The following ANK3 variants were observed in gnomAD, a reference collection of about 807,000 sequenced individuals.
ANK3 encodes the protein ankyrin-3.
Under a neutral mutation model 370.9 loss-of-function variants are expected in ANK3, and 57 were observed. The observed-to-expected ratio is 0.15, with a 90% CI of 0.12 to 0.19. The LOEUF (loss-of-function observed/expected upper bound fraction) is 0.19, where lower values mean the gene tolerates loss of function less well. ANK3 is among the 10% of genes least tolerant of loss of function. ANK3 has a pLI of 1.00. For missense variants in ANK3, 4,439 were observed against 5,302.1 expected (o/e 0.84, Z 5.06); for synonymous variants, 1,929 against 1,946.3 (o/e 0.99, Z 0.23).
At chr10:60,612,823 T>C (rs1425041257) in intron 2 of ANK3, among the ~76,000 whole-genome samples, 1 of 152,222 alleles carries the variant, frequency 6.6e-6, no homozygotes, top group Non-Finnish European at 1.5e-5. Context: ...CAGCCTGGTA[T>C]TCCCAGTAGT....
chr10:60,387,411 T>C (rs2062538526), intron 1 of ANK3, among the ~76,000 whole-genome samples: 1 of 151,940 alleles, frequency 6.6e-6, no homozygotes, highest in African/African-American at 2.4e-5. Context: ...ATCTAGAGTG[T>C]TTTCAAAATA....
In ANK3 at chr10:60,132,781, T is replaced by C. The variant is rs562698815; in HGVS notation, c.2841+1490A>G. Among the ~76,000 whole-genome samples the C allele has an allele frequency of 1.4e-4, 21 of 148,402 alleles. 1 individual carries two copies. Among genetic ancestry groups the C allele is most frequent in the African/African-American group, 5.3e-4 (21 of 39,772 alleles). ...ACAGATGCCCACCACGACACCTGGCTAATTTTTGTATTTTTAGTAGAGACG... is the reference window on the plus strand; with the variant it reads ...ACAGATGCCCACCACGACACCTGGCCAATTTTTGTATTTTTAGTAGAGACG... On this transcript the variant is annotated intron_variant, in intron 25 of 43. Transcript: ENST00000280772.
At chr10:60,226,548 T>A (rs557883607) in intron 8 of ANK3, among the ~76,000 whole-genome samples, 1 of 23,556 alleles carries the variant, frequency 4.2e-5, no homozygotes, top group African/African-American at 1.4e-4. Context: ...ATAGTATATA[T>A]ACTATAGTAT....
chr10:60,577,883 T>C (rs1021321054), intron 2 of ANK3, among the ~76,000 whole-genome samples: 3 of 152,204 alleles, frequency 2.0e-5, no homozygotes, highest in African/African-American at 7.2e-5. Flanking sequence ...TTACAGCAAC[T>C]GGAAATTCAG....
chr10:60,557,876 T>A (rs76911444), intron 2 of ANK3, among the ~76,000 whole-genome samples: 1,724 of 152,300 alleles, frequency 0.011, 39 homozygotes, highest in African/African-American at 0.04. Flanking sequence ...TTATTAAATA[T>A]AATATAGGAT....
At chr10:60,114,020 A>T (rs935291994) in intron 26 of ANK3, among the ~76,000 whole-genome samples, 1 of 79,120 alleles carries the variant, frequency 1.3e-5, no homozygotes, top group African/African-American at 6.5e-5. Context: ...ACAAAATTAA[A>T]TTTTTCTCAA....
chr10:60,137,397 A>G, intron 24 of ANK3: 1 of 336,904 alleles, frequency 3.0e-6, no homozygotes, highest in Non-Finnish European at 5.8e-6. Context: ...AAAAAACAAG[A>G]AATAGAAAGC....
chr10:60,420,448 C>T (rs2063755659), intron 2 of ANK3, among the ~76,000 whole-genome samples: 2 of 151,960 alleles, frequency 1.3e-5, no homozygotes, highest in South Asian at 4.2e-4. Flanking sequence ...GAGAATGACC[C>T]CAGGCCTTTT....
intron 2 of ANK3, among the ~76,000 whole-genome samples, chr10:60,549,910 G>A (rs183598777): frequency 1.3e-5 from 2 of 152,186 alleles, no homozygotes; most frequent in African/African-American, 4.8e-5. Flanking sequence ...ATATTACTCT[G>A]GGTTGTTTGC....
At chr10:60,430,029 A>G (rs1014535070) in intron 2 of ANK3, among the ~76,000 whole-genome samples, 4 of 152,254 alleles carry the variant, frequency 2.6e-5, no homozygotes, top group Admixed American at 2.6e-4. Context: ...CTTATATACA[A>G]GTAGTAAACA....
chr10:60,594,901 A>G (rs1468825815), intron 2 of ANK3, among the ~76,000 whole-genome samples: 1 of 152,068 alleles, frequency 6.6e-6, no homozygotes. Flanking sequence ...GGGAATGATG[A>G]CTGTTCTTTT....
At chr10:60,724,710 AT>A (rs2079916654) in intron 1 of ANK3, among the ~76,000 whole-genome samples, 1 of 152,228 alleles carries the variant, frequency 6.6e-6, no homozygotes, top group South Asian at 2.1e-4. Context: ...TCTTGTAAAC[AT>A]TTTAAAAAGA....
At chr10:60,693,215 A>G (rs890233702) in intron 1 of ANK3, among the ~76,000 whole-genome samples, 8 of 152,196 alleles carry the variant, frequency 5.3e-5, no homozygotes, top group Admixed American at 5.2e-4. Flanking sequence ...AAAACAGCTC[A>G]CCAGGAGATT....
At chr10:60,684,184 T>C (rs1040831887) in intron 1 of ANK3, among the ~76,000 whole-genome samples, 1 of 152,192 alleles carries the variant, frequency 6.6e-6, no homozygotes, top group African/African-American at 2.4e-5. Context: ...GAGAAGCAGT[T>C]TGACATCTAT....
intron 28 of ANK3, among the ~76,000 whole-genome samples, chr10:60,090,571 A>G (rs2088030301): frequency 6.6e-6 from 1 of 152,230 alleles, no homozygotes; most frequent in Non-Finnish European, 1.5e-5. Flanking sequence ...CGTATTAATA[A>G]TAGGATGGCA....
At chr10:60,351,905 C>G (rs2185502) in intron 1 of ANK3, among the ~76,000 whole-genome samples, 14,431 of 151,800 alleles carry the variant, frequency 0.095, 1,041 homozygotes, top group East Asian at 0.25. Flanking sequence ...ATTAAAAAGA[C>G]CAAGAAATGC....
intron 1 of ANK3, among the ~76,000 whole-genome samples, chr10:60,328,495 A>T (rs992834282): frequency 6.6e-6 from 1 of 152,228 alleles, no homozygotes; most frequent in Admixed American, 6.5e-5. Context: ...CAGGCATTAA[A>T]TCAATGTTTA....
intron 4 of ANK3, 116 bp from the exon 5 acceptor site, chr10:60,270,345 T>C: frequency 2.0e-6 from 1 of 499,606 alleles, no homozygotes; most frequent in East Asian, 3.4e-5. Flanking sequence ...TTAATAATAC[T>C]TTCATATAGA....
chr10:60,358,543 T>A (rs1433825451), intron 1 of ANK3, among the ~76,000 whole-genome samples: 1 of 152,216 alleles, frequency 6.6e-6, no homozygotes, highest in Non-Finnish European at 1.5e-5. Flanking sequence ...CTCTATTCTT[T>A]AGTTTCCCTC....
Sources: allele counts gnomAD v4.1 joint callset (sites outside exome capture counted in the v4.1 genomes callset), GRCh38; gene constraint gnomAD v4.1.1; transcripts MANE v1.5; gene names NCBI Gene and HGNC (gene_info 2026-07-23, HGNC 2026-07-21).